Variants in AGAP1 observed in about 807,000 individuals in gnomAD.
AGAP1 encodes ArfGAP with GTPase domain, ankyrin repeat and PH domain 1.
A neutral mutation model predicts 105.3 loss-of-function variants in AGAP1; 29 were observed. The ratio of observed to expected loss-of-function variants is 0.28; its 90% CI spans 0.21 to 0.38. The LOEUF (loss-of-function observed/expected upper bound fraction) is 0.38, where lower values mean the gene tolerates loss of function less well. Ranked by LOEUF, AGAP1 falls within the 10% of genes least tolerant of loss-of-function variation. The pLI, the probability that AGAP1 is intolerant of heterozygous loss-of-function variation, is 1.00. For missense variants in AGAP1, 998 were observed against 1,165.1 expected (o/e 0.86, Z 2.09); for synonymous variants, 509 against 485.9 (o/e 1.05, Z -0.63).
At position 235,566,103 on chromosome 2, in the gene AGAP1, A is replaced by G. The variant is rs1026982217; in HGVS notation, c.163+71254A>G. ...CATTCCTCGATTTATTATTATTATT[A>G]TTATTTGAGGTGGAGTTTCACTCTG... On this transcript the variant is annotated intron_variant, in intron 1 of 17. Transcript: ENST00000304032. The surrounding 1 kb of genome is among the most constrained non-coding windows in gnomAD (Gnocchi z 5.2). Among the ~76,000 whole-genome samples, 1 of 151,412 alleles carries G rather than the reference A, an allele frequency of 6.6e-6. No homozygotes were observed. The highest frequency in any genetic ancestry group is 1.5e-5 in the Non-Finnish European group (1 of 67,866).
In AGAP1 at chr2:235,552,715, G is replaced by A. The variant is rs1367401825; in HGVS notation, c.163+57866G>A. Among the ~76,000 whole-genome samples, 2 of 152,202 alleles carry A rather than the reference G, an allele frequency of 1.3e-5. No homozygotes were observed. The highest frequency in any genetic ancestry group is 4.8e-5 in the African/African-American group (2 of 41,450). Reference sequence around the variant, plus strand: ...CAGAGAATGGAGGAAAAGGAGACCAGGAGAGTTCAGAGAGGTGAAGAGTGA... The same window carrying A: ...CAGAGAATGGAGGAAAAGGAGACCAAGAGAGTTCAGAGAGGTGAAGAGTGA... On this transcript the variant is annotated intron_variant, in intron 1 of 17. Coordinates refer to ENST00000304032, the MANE Select transcript of AGAP1 (RefSeq NM_001037131.3). The surrounding 1 kb of genome is among the most constrained non-coding windows in gnomAD (Gnocchi z 5.9).
intron 16 of AGAP1, chr2:236,072,443 C>CA (rs35144826): frequency 0.18 from 24,924 of 138,532 alleles, 2,663 homozygotes; most frequent in African/African-American, 0.31. Context: ...GACTCTGTCT[C>CA]AAAAAAAAAA....
At chr2:236,052,332 A>G (rs754421687) in intron 16 of AGAP1, among the ~76,000 whole-genome samples, 4 of 152,032 alleles carry the variant, frequency 2.6e-5, no homozygotes, top group African/African-American at 4.8e-5. Flanking sequence ...CAAACACACA[A>G]ACACACACAG....
chr2:235,984,847 T>C (rs1263054281), intron 13 of AGAP1, among the ~76,000 whole-genome samples: 1 of 152,222 alleles, frequency 6.6e-6, no homozygotes, highest in African/African-American at 2.4e-5. Context: ...TTATCTAGTC[T>C]GTCATTGTTG....
chr2:236,066,061 A>G (rs1004100891), intron 16 of AGAP1, among the ~76,000 whole-genome samples: 12 of 152,122 alleles, frequency 7.9e-5, no homozygotes, highest in Non-Finnish European at 1.8e-4. Flanking sequence ...ATGTGTCCTG[A>G]AAACCCTTCT....
At chr2:235,519,389 A>T (rs187323976) in intron 1 of AGAP1, among the ~76,000 whole-genome samples, 8 of 152,096 alleles carry the variant, frequency 5.3e-5, no homozygotes, top group Non-Finnish European at 8.8e-5. Flanking sequence ...TATATTTATT[A>T]ATTGGTTTAA....
Position 235,784,622 on chromosome 2 carries a change from A to G in AGAP1, c.674-13137A>G, listed in dbSNP as rs144286781. Among the ~76,000 whole-genome samples the G allele has an allele frequency of 3.2e-3, 479 of 149,594 alleles. 2 individuals are homozygous for G. The highest frequency in any genetic ancestry group is 5.7e-3 in the Non-Finnish European group (385 of 67,344). ...GCAAAAAAAAAAAAAAAAAACCATG[A>G]AAAGTTTCTCTCTGCTATATACTTA... On this transcript the variant is annotated intron_variant, in intron 6 of 17. Transcript: ENST00000304032.
At position 235,830,739 on chromosome 2, in the gene AGAP1, GA is replaced by G. The variant is rs1166443428; in HGVS notation, c.1050+23412del. ...CTCCTAGTGTTCCTCACAGCAGGTG[GA>G]AAATGCATTTATAAGATATTTCTTC... On this transcript the variant is annotated intron_variant, in intron 9 of 17. Transcript: ENST00000304032. The surrounding 1 kb of genome is among the most constrained non-coding windows in gnomAD (Gnocchi z 5.5). 6.6e-6 allele frequency among the ~76,000 whole-genome samples: 1 copy of G among 152,194 alleles called. No individual in the cohort carries two copies. The highest frequency in any genetic ancestry group is 1.5e-5 in the Non-Finnish European group (1 of 68,048).
intron 9 of AGAP1, among the ~76,000 whole-genome samples, chr2:235,862,022 A>C (rs2048947082): frequency 6.6e-6 from 1 of 152,076 alleles, no homozygotes; most frequent in Non-Finnish European, 1.5e-5. Flanking sequence ...CAGAGATCAA[A>C]ACCAGGAGTG....
chr2:235,897,474 A>G (rs1188400279), intron 10 of AGAP1, among the ~76,000 whole-genome samples: 1 of 152,190 alleles, frequency 6.6e-6, no homozygotes, highest in East Asian at 1.9e-4. Flanking sequence ...GTTTCTATAA[A>G]TAGCAGATTT....
In AGAP1 at chr2:235,586,671, A is replaced by T. The variant is rs1191655275; in HGVS notation, c.163+91822A>T. ...ATTTCCAACTTGGGTTGTCAGAGTG[A>T]GACTGTGCAGGACTGCCCCGTACAG... On this transcript the variant is annotated intron_variant, in intron 1 of 17. Coordinates refer to ENST00000304032, the MANE Select transcript of AGAP1 (RefSeq NM_001037131.3). The surrounding 1 kb of genome is among the most constrained non-coding windows in gnomAD (Gnocchi z 4.2). Among the ~76,000 whole-genome samples, 1 of 152,210 alleles carries T rather than the reference A, an allele frequency of 6.6e-6. No homozygotes were observed. The highest frequency in any genetic ancestry group is 1.5e-5 in the Non-Finnish European group (1 of 68,046).
At chr2:235,779,044 A>T (rs536747642) in intron 6 of AGAP1, among the ~76,000 whole-genome samples, 1 of 152,352 alleles carries the variant, frequency 6.6e-6, no homozygotes, top group Admixed American at 6.5e-5. Context: ...CTTGGTAAAG[A>T]TCATGCAGGT....
chr2:235,818,311 TATATAGCTCCACGTGAGTGGAAG>T (rs1958579047), intron 9 of AGAP1, among the ~76,000 whole-genome samples: 3 of 152,210 alleles, frequency 2.0e-5, no homozygotes, highest in Non-Finnish European at 1.5e-5. Context: ...AGACCGATGT[TATATAGCTCCACGTGAGTGGAAG>T]AGCTGGGATT....
At chr2:235,886,864 G>A (rs2050298885) in intron 10 of AGAP1, among the ~76,000 whole-genome samples, 3 of 152,116 alleles carry the variant, frequency 2.0e-5, no homozygotes, top group Admixed American at 6.6e-5. Flanking sequence ...GTGACTTCCA[G>A]GTGTATTCTC....
At position 236,020,140 on chromosome 2, in the gene AGAP1, AC is replaced by A. The variant is rs140378517; in HGVS notation, c.1646-16419del. Among the ~76,000 whole-genome samples the A allele has an allele frequency of 0.015, 2,336 of 152,148 alleles. 76 individuals carry two copies. The highest frequency in any genetic ancestry group is 0.053 in the African/African-American group (2,219 of 41,504). ...GTCTTCTCTGTACCTCAGTTTCCCCACCTATAAACTGGGGTGATGACACCCA... is the reference window on the plus strand; with the variant it reads ...GTCTTCTCTGTACCTCAGTTTCCCCACTATAAACTGGGGTGATGACACCCA... On this transcript the variant is annotated intron_variant, in intron 13 of 17. Transcript: ENST00000304032. The surrounding 1 kb of genome is among the most constrained non-coding windows in gnomAD (Gnocchi z 5.0).
At chr2:235,561,674 G>T (rs558141558) in intron 1 of AGAP1, among the ~76,000 whole-genome samples, 33 of 152,310 alleles carry the variant, frequency 2.2e-4, no homozygotes, top group Admixed American at 1.2e-3. Flanking sequence ...AGCTAATTCA[G>T]TATTTGGAAA....
Position 236,040,313 on chromosome 2 carries a change from GGAACCATGA to G in AGAP1, c.1801-435_1801-427del, listed in dbSNP as rs1230375484. Among the ~76,000 whole-genome samples, 1 of 152,102 alleles carries G rather than the reference GGAACCATGA, an allele frequency of 6.6e-6. No homozygotes were observed. The highest frequency in any genetic ancestry group is 1.5e-5 in the Non-Finnish European group (1 of 68,022). ...TGGTATGAATGGGGTTTTCTGACAA[GGAACCATGA>G]GATATGTCTTACATTGCTGATGAAG... is the stretch of plus-strand genomic sequence containing the variant. On this transcript the variant is annotated intron_variant, in intron 14 of 17. Transcript: ENST00000304032. This position sits in a 1 kb window ranked among gnomAD's most constrained non-coding sequence, Gnocchi z 5.6.
intron 1 of AGAP1, among the ~76,000 whole-genome samples, chr2:235,706,571 A>G (rs951527847): frequency 5.3e-5 from 8 of 152,138 alleles, no homozygotes; most frequent in African/African-American, 1.9e-4. Flanking sequence ...TTAGAAATGC[A>G]TTTGTGAGGA....
intron 1 of AGAP1, among the ~76,000 whole-genome samples, chr2:235,580,406 C>G (rs960086806): frequency 6.6e-6 from 1 of 151,246 alleles, no homozygotes; most frequent in Non-Finnish European, 1.5e-5. Context: ...TTTCTTGCAT[C>G]TCCTTCACAG....
Sources: gnomAD v4.1 joint callset for allele counts (sites outside exome capture counted in the v4.1 genomes callset) on GRCh38, gnomAD v4.1.1 for gene constraint, Gnocchi (gnomAD v3.1) non-coding constraint, MANE v1.5 for transcripts, NCBI Gene and HGNC (gene_info 2026-07-23, HGNC 2026-07-21) for gene names.